The following ZNF138 variants were observed in gnomAD, a reference collection of about 807,000 sequenced individuals.
ZNF138 encodes the protein zinc finger protein 138 (clone pHZ-32).
A neutral mutation model predicts 33.0 loss-of-function variants in ZNF138; 33 were observed. The observed-to-expected ratio is 1.00, with a 90% CI of 0.76 to 1.34. ZNF138 has a LOEUF of 1.34. Among genes scored for constraint, ZNF138 ranks in the 40% most tolerant of loss-of-function variants. The probability of loss-of-function intolerance (pLI) is 0.00; values close to 1 mark genes in which losing one functional copy is unlikely to be tolerated. For missense variants in ZNF138, 360 were observed against 370.8 expected (o/e 0.97, Z 0.24); for synonymous variants, 139 against 120.4 (o/e 1.15, Z -1.01).
Position 64,804,300 on chromosome 7 carries a change from C to T in ZNF138, c.3+9729C>T, listed in dbSNP as rs150347018. 2.7e-3 allele frequency among the ~76,000 whole-genome samples: 415 copies of T among 152,254 alleles called. 3 individuals are homozygous for T. Among genetic ancestry groups the T allele is most frequent in the African/African-American group, 9.4e-3 (390 of 41,552 alleles). ...TGAAAATCCCTGTCCTGTTCTGTTCCGTTCTAATTACCGGTGCATGCAGCC... is the reference window on the plus strand; with the variant it reads ...TGAAAATCCCTGTCCTGTTCTGTTCTGTTCTAATTACCGGTGCATGCAGCC... On this transcript the variant is annotated intron_variant, in intron 1 of 3. Coordinates refer to ENST00000307355, the MANE Select transcript of ZNF138 (RefSeq NM_001271639.2).
At chr7:64,801,023 T>C (rs1787100005) in intron 1 of ZNF138, among the ~76,000 whole-genome samples, 1 of 152,206 alleles carries the variant, frequency 6.6e-6, no homozygotes, top group Non-Finnish European at 1.5e-5. Context: ...GGGTCAGTGG[T>C]AATGTCCCTT....
At chr7:64,843,965 T>A in the ZNF138 span, among the ~76,000 whole-genome samples, 1 of 151,994 alleles carries the variant, frequency 6.6e-6, no homozygotes, top group Non-Finnish European at 1.5e-5. Flanking sequence ...CTGGGACTAC[T>A]GGTGTGCGCC....
chr7:64,807,677 C>T (rs982536570), intron 1 of ZNF138, among the ~76,000 whole-genome samples: 2 of 152,130 alleles, frequency 1.3e-5, no homozygotes, highest in African/African-American at 4.8e-5. Context: ...GTACAGAAAA[C>T]CAACAGGAGG....
chr7:64,831,641 T>C lies in ZNF138; in HGVS notation c.399T>C (p.Ile133=). 1 of 1,608,544 alleles carries C rather than the reference T, an allele frequency of 6.2e-7. No homozygotes were observed. Among genetic ancestry groups the C allele is most frequent in the Non-Finnish European group, 8.5e-7 (1 of 1,177,998 alleles). Residue 133 remains isoleucine (I), a synonymous_variant, in exon 4 of 4, where the codon ATT becomes ATC. Transcript: ENST00000307355. ...GFNGLNQCLK[I]TTSKIFQCNK... is the part of the protein sequence containing the mutation. ...ATGGACTTAACCAATGTTTGAAAAT[T>C]ACCACAAGCAAAATATTTCAATGTA...
intron 1 of ZNF138, among the ~76,000 whole-genome samples, chr7:64,801,280 CT>C (rs1241385220): frequency 6.6e-6 from 1 of 151,968 alleles, no homozygotes; most frequent in East Asian, 1.9e-4. Context: ...ATCTTTTTAA[CT>C]TTTTTATGGG....
rs543436671 is a variant in ZNF138, at chr7:64,822,074, A to AC, written c.208+6422dup. On this transcript the variant is annotated intron_variant, in intron 3 of 3. Coordinates refer to ENST00000307355, the MANE Select transcript of ZNF138 (RefSeq NM_001271639.2). ...GCTGGGACCACAGGTGACCACCACC[A>AC]CGCCTGGCTAATTTTTTTGTATTTT... Among the ~76,000 whole-genome samples the AC allele has an allele frequency of 1.2e-3, 183 of 150,870 alleles. 6 individuals carry two copies. The highest frequency in any genetic ancestry group is 4.4e-3 in the African/African-American group (177 of 40,526).
intron 1 of ZNF138, among the ~76,000 whole-genome samples, chr7:64,805,040 G>T (rs1192892422): frequency 6.6e-6 from 1 of 152,124 alleles, no homozygotes; most frequent in Non-Finnish European, 1.5e-5. Flanking sequence ...GAGAACTCTT[G>T]GAGCTATCCC....
chr7:64,811,502 T>C (rs1264920389), intron 1 of ZNF138, among the ~76,000 whole-genome samples: 1 of 152,166 alleles, frequency 6.6e-6, no homozygotes, highest in Non-Finnish European at 1.5e-5. Context: ...CCCGCCACCA[T>C]GCCCAACTAA....
chr7:64,817,124 CTG>C (rs1788704498), intron 3 of ZNF138, among the ~76,000 whole-genome samples: 1 of 152,152 alleles, frequency 6.6e-6, no homozygotes, highest in African/African-American at 2.4e-5. Context: ...TTCCAGGTCA[CTG>C]TGTGGGTTTC....
At chr7:64,831,198 T>C (rs1790052574) in intron 3 of ZNF138, 1 of 1,331,262 alleles carries the variant, frequency 7.5e-7, no homozygotes, top group Non-Finnish European at 1.0e-6. Context: ...TAACAGACTT[T>C]TCTCTCTCTT....
chr7:64,803,853 T>C (rs1421254377), intron 1 of ZNF138, among the ~76,000 whole-genome samples: 1 of 152,196 alleles, frequency 6.6e-6, no homozygotes, highest in African/African-American at 2.4e-5. Context: ...TAGTATAACA[T>C]GGTTACTAAT....
the ZNF138 span, among the ~76,000 whole-genome samples, chr7:64,842,439 A>G: frequency 6.6e-6 from 1 of 152,178 alleles, no homozygotes; most frequent in Non-Finnish European, 1.5e-5. Flanking sequence ...AATTTGGAAT[A>G]ATATTTCTTG....
intron 1 of ZNF138, among the ~76,000 whole-genome samples, chr7:64,797,228 A>C (rs1472150069): frequency 3.3e-5 from 5 of 152,156 alleles, no homozygotes; most frequent in African/African-American, 1.2e-4. Flanking sequence ...ATTTTTTAAG[A>C]TGAAACTTGG....
At chr7:64,841,816 A>C in the ZNF138 span, among the ~76,000 whole-genome samples, 5 of 152,208 alleles carry the variant, frequency 3.3e-5, no homozygotes, top group South Asian at 2.1e-4. Flanking sequence ...GGTTTTAGTT[A>C]GAGAGTTTGC....
intron 1 of ZNF138, among the ~76,000 whole-genome samples, chr7:64,807,332 C>G (rs998430676): frequency 6.6e-6 from 1 of 152,174 alleles, no homozygotes; most frequent in Admixed American, 6.5e-5. Flanking sequence ...CACTCTGTCC[C>G]TCTTTTTGCC....
intron 1 of ZNF138, among the ~76,000 whole-genome samples, chr7:64,796,775 G>A (rs1786721539): frequency 1.3e-5 from 2 of 152,228 alleles, no homozygotes; most frequent in Admixed American, 1.3e-4. Context: ...GGGTGCGGTG[G>A]CTCATGCCTG....
intron 3 of ZNF138, among the ~76,000 whole-genome samples, chr7:64,816,362 C>T (rs927229333): frequency 6.6e-6 from 1 of 151,634 alleles, no homozygotes; most frequent in Admixed American, 6.6e-5. Context: ...TTATTTGTAT[C>T]ATCTCATTTT....
chr7:64,837,727 G>T (rs1790405072), downstream of ZNF138, among the ~76,000 whole-genome samples: 1 of 152,134 alleles, frequency 6.6e-6, no homozygotes, highest in African/African-American at 2.4e-5. Flanking sequence ...GTTGTCACCT[G>T]TTTGACTATT....
rs768324963 is a variant in ZNF138, at chr7:64,794,556, C to A, written c.-13C>A. The A allele has an allele frequency of 6.2e-7, 1 of 1,613,466 alleles. No individual in the cohort carries two copies. The highest frequency in any genetic ancestry group is 8.5e-7 in the Non-Finnish European group (1 of 1,179,612). ...TCACAGCTAAGACGCCAGGATCCCC[C>A]GGAAGCCTAGAAATGGTGAGAGTGC... On this transcript the variant is annotated 5_prime_UTR_variant, in exon 1 of 4. Coordinates refer to ENST00000307355, the MANE Select transcript of ZNF138 (RefSeq NM_001271639.2).
Sources: gnomAD v4.1 joint callset for allele counts (sites outside exome capture counted in the v4.1 genomes callset) on GRCh38, gnomAD v4.1.1 for gene constraint, MANE v1.5 for transcripts, NCBI Gene and HGNC (gene_info 2026-07-23, HGNC 2026-07-21) for gene names.